FER: variants seen among roughly 807,000 people sequenced by gnomAD.
The protein encoded by FER is tyrosine-protein kinase Fer.
FER carries 63 observed loss-of-function variants against 111.0 expected under a neutral mutation model. The observed-to-expected ratio is 0.57, with a 90% confidence interval of 0.46 to 0.70. FER has a LOEUF of 0.70. Among genes scored for constraint, FER ranks in the 30% least tolerant of loss-of-function variants. The pLI is 0.00. For missense variants in FER, 914 were observed against 954.0 expected (o/e 0.96, Z 0.55); for synonymous variants, 327 against 313.9 (o/e 1.04, Z -0.44).
chr5:109,051,407 C>T (rs1772789856), intron 16 of FER: 2 of 1,612,568 alleles, frequency 1.2e-6, no homozygotes, highest in Non-Finnish European at 1.7e-6. Context: ...GGCTGTAGTT[C>T]ATGTCCAGCA....
chr5:109,112,546 G>T (rs556357452), intron 17 of FER, among the ~76,000 whole-genome samples: 90 of 152,216 alleles, frequency 5.9e-4, no homozygotes, highest in African/African-American at 2.1e-3. Flanking sequence ...AGATCACTAT[G>T]CCCGGAGGTT....
chr5:108,873,540 A>G (rs755076281), intron 8 of FER, among the ~76,000 whole-genome samples: 8 of 152,202 alleles, frequency 5.3e-5, no homozygotes, highest in Admixed American at 4.6e-4. Flanking sequence ...CTTAGTAATT[A>G]TGGCATACTG....
At chr5:108,779,444 A>G (rs1173278024) in intron 2 of FER, among the ~76,000 whole-genome samples, 2 of 152,158 alleles carry the variant, frequency 1.3e-5, no homozygotes, top group African/African-American at 4.8e-5. Context: ...CTCTTCATTT[A>G]TTTAGTTCTT....
chr5:108,818,333 A>C (rs1339686319), intron 3 of FER: 2 of 152,154 alleles, frequency 1.3e-5, no homozygotes, highest in South Asian at 4.1e-4. Context: ...CCAGCTGCTC[A>C]GGATGCTGAG....
chr5:108,892,109 A>G (rs544703381), intron 9 of FER, among the ~76,000 whole-genome samples: 1 of 152,148 alleles, frequency 6.6e-6, no homozygotes, highest in Non-Finnish European at 1.5e-5. Context: ...TATTGTGAAT[A>G]GTGCCACAAT....
At chr5:109,001,740 G>A (rs1208982200) in intron 13 of FER, among the ~76,000 whole-genome samples, 2 of 152,122 alleles carry the variant, frequency 1.3e-5, no homozygotes, top group South Asian at 2.1e-4. Flanking sequence ...AAACCCCATC[G>A]TCTTAGCCCA....
chr5:109,139,350 C>CTTTTTTTTTTTTTTTTTTT (rs59092426), intron 17 of FER, among the ~76,000 whole-genome samples: 27 of 91,114 alleles, frequency 3.0e-4, no homozygotes, highest in African/African-American at 1.1e-3. Context: ...TTCTTTCTTT[C>CTTTTTTTTTTTTTTTTTTT]TTTTTTTTTT....
intron 17 of FER, among the ~76,000 whole-genome samples, chr5:109,142,670 G>A (rs1753655387): frequency 6.6e-6 from 1 of 152,034 alleles, no homozygotes; most frequent in Non-Finnish European, 1.5e-5. Flanking sequence ...GAACTCTGGA[G>A]GGAGATTTGG....
At chr5:109,129,315 C>T (rs548915979) in intron 17 of FER, among the ~76,000 whole-genome samples, 71 of 152,024 alleles carry the variant, frequency 4.7e-4, no homozygotes, top group African/African-American at 1.6e-3. Context: ...TTAAGAGTTT[C>T]GTGTCACAAA....
chr5:109,150,846 A>G (rs530226461), intron 17 of FER, among the ~76,000 whole-genome samples: 2 of 152,304 alleles, frequency 1.3e-5, no homozygotes, highest in East Asian at 1.9e-4. Flanking sequence ...TTGACCTTGG[A>G]TTAGAGCCCT....
At chr5:109,006,615 C>A (rs1404207075) in intron 13 of FER, among the ~76,000 whole-genome samples, 4 of 152,008 alleles carry the variant, frequency 2.6e-5, no homozygotes, top group Non-Finnish European at 5.9e-5. Context: ...TTAACATATA[C>A]CTGTGATGAA....
chr5:108,824,873 CAGAGTA>C (rs1235970805), intron 3 of FER, among the ~76,000 whole-genome samples: 1 of 151,808 alleles, frequency 6.6e-6, no homozygotes, highest in African/African-American at 2.4e-5. Flanking sequence ...AATAAAAGGA[CAGAGTA>C]CAAAAGAGAT....
intron 14 of FER, among the ~76,000 whole-genome samples, chr5:109,044,402 C>T (rs1304536675): frequency 3.9e-5 from 6 of 151,964 alleles, no homozygotes; most frequent in African/African-American, 1.4e-4. Context: ...AGGATGGTCT[C>T]GATCTCCTGA....
In FER at chr5:108,832,755, T is replaced by C. The variant is rs531699185; in HGVS notation, c.208-15T>C. 3 of 1,445,572 alleles carry C rather than the reference T, an allele frequency of 2.1e-6. No individual in the cohort carries two copies. Among genetic ancestry groups the C allele is most frequent in the Admixed American group, 2.5e-5 (1 of 39,654 alleles). 89.5% of individuals were successfully genotyped at this position (1,445,572 alleles called of 1,614,324 possible). A position where few individuals can be genotyped will look rare whatever the true frequency, so the allele number is the denominator to read the frequency against. ...TTTAATGCAAATGTTTGTTTCTTTTTTTTTTTTTTTTAAGTCTTGGCTACT... is the reference window on the plus strand; with the variant it reads ...TTTAATGCAAATGTTTGTTTCTTTTCTTTTTTTTTTTAAGTCTTGGCTACT... On this transcript the variant is annotated splice_polypyrimidine_tract_variant and intron_variant, in intron 3 of 19. Transcript: ENST00000281092.
chr5:108,794,685 T>C (rs1217857654), intron 2 of FER, among the ~76,000 whole-genome samples: 2 of 152,158 alleles, frequency 1.3e-5, no homozygotes, highest in East Asian at 3.8e-4. Flanking sequence ...TTTTTTTTCC[T>C]TCAGCACTTC....
chr5:108,911,022 T>G (rs770201203), intron 10 of FER, among the ~76,000 whole-genome samples: 2 of 152,122 alleles, frequency 1.3e-5, no homozygotes, highest in African/African-American at 2.4e-5. Context: ...TAGTTCTATT[T>G]TTAGTTCTTT....
chr5:108,963,229 C>T (rs1014114300), intron 13 of FER, among the ~76,000 whole-genome samples: 8 of 152,012 alleles, frequency 5.3e-5, no homozygotes, highest in Admixed American at 1.3e-4. Context: ...AGTAAGAAAT[C>T]GCTTTCTGAA....
intron 13 of FER, among the ~76,000 whole-genome samples, chr5:108,987,159 G>C (rs1762662341): frequency 6.6e-6 from 1 of 151,974 alleles, no homozygotes; most frequent in African/African-American, 2.4e-5. Flanking sequence ...TTAAAACCTT[G>C]TAGAGGCTGG....
chr5:109,049,587 A>G (rs1310261893), intron 16 of FER, among the ~76,000 whole-genome samples: 1 of 152,148 alleles, frequency 6.6e-6, no homozygotes, highest in African/African-American at 2.4e-5. Flanking sequence ...TTAAAATGCT[A>G]AATTAAAACT....
Sources: allele counts gnomAD v4.1 joint callset (sites outside exome capture counted in the v4.1 genomes callset), GRCh38; gene constraint gnomAD v4.1.1; transcripts MANE v1.5; gene names NCBI Gene and HGNC (gene_info 2026-07-23, HGNC 2026-07-21).